Variants in UGT1A7 observed in about 807,000 individuals in gnomAD.
UGT1A7 encodes UDP-glucuronosyltransferase 1A7.
Under a neutral mutation model 45.6 loss-of-function variants are expected in UGT1A7, and 33 were observed. The observed-to-expected ratio is 0.72, with a 90% CI of 0.55 to 0.97. UGT1A7 has a LOEUF of 0.97. Among genes scored for constraint, UGT1A7 ranks in the 50% least tolerant of loss-of-function variants. The pLI, the probability that UGT1A7 is intolerant of heterozygous loss-of-function variation, is 0.00. For synonymous variants in UGT1A7, 274 were observed against 250.6 expected, an observed-to-expected ratio of 1.09 and a Z score of -0.88; for missense variants, 684 against 666.2, an observed-to-expected ratio of 1.03 and a Z score of -0.29.
chr2:233,715,509 C>G (rs991063274), intron 1 of UGT1A7, among the ~76,000 whole-genome samples: 3 of 152,138 alleles, frequency 2.0e-5, no homozygotes, highest in African/African-American at 7.2e-5. Context: ...GGGTAGCTCA[C>G]ACCTGTAATT....
chr2:233,729,151 C>G (rs780105483), intron 1 of UGT1A7: 3 of 1,613,562 alleles, frequency 1.9e-6, no homozygotes, highest in South Asian at 2.2e-5. Context: ...CCAGGTTCCC[C>G]TGCCGTGGCT....
intron 1 of UGT1A7, among the ~76,000 whole-genome samples, chr2:233,731,766 G>A (rs2078201810): frequency 2.0e-5 from 3 of 152,172 alleles, no homozygotes; most frequent in African/African-American, 7.2e-5. Flanking sequence ...TGTCCTTAGA[G>A]TAGTATCATT....
intron 1 of UGT1A7, among the ~76,000 whole-genome samples, chr2:233,757,066 C>A (rs1244177013): frequency 2.6e-5 from 4 of 151,164 alleles, no homozygotes; most frequent in Non-Finnish European, 4.4e-5. Context: ...AGCAAGGGAT[C>A]CAGAATGGCT....
chr2:233,745,639 G>T (rs182919627), intron 1 of UGT1A7, among the ~76,000 whole-genome samples: 1 of 151,500 alleles, frequency 6.6e-6, no homozygotes, highest in South Asian at 2.1e-4. Context: ...AAAGCTGGCC[G>T]AGGGTAGAGT....
chr2:233,702,946 A>C (rs1293262171), intron 1 of UGT1A7, among the ~76,000 whole-genome samples: 1 of 152,140 alleles, frequency 6.6e-6, no homozygotes, highest in African/African-American at 2.4e-5. Context: ...TGTGTTTGCT[A>C]TCTGAATATT....
At chr2:233,712,844 G>A (rs2076257944) in intron 1 of UGT1A7, 2 of 1,520,210 alleles carry the variant, frequency 1.3e-6, no homozygotes, top group Non-Finnish European at 1.8e-6. Flanking sequence ...TAGATTAACG[G>A]GTAATAAGTA....
At chr2:233,734,343 T>G (rs1193439739) in intron 1 of UGT1A7, among the ~76,000 whole-genome samples, 2 of 152,200 alleles carry the variant, frequency 1.3e-5, no homozygotes, top group Admixed American at 6.5e-5. Flanking sequence ...TGATGGTAGT[T>G]TGTATTTCTG....
intron 1 of UGT1A7, among the ~76,000 whole-genome samples, chr2:233,748,325 G>C (rs574436973): frequency 6.6e-6 from 1 of 151,854 alleles, no homozygotes; most frequent in East Asian, 1.9e-4. Context: ...GGACTGATGT[G>C]ACTCATGGAG....
rs536568822 is a variant in UGT1A7 at position 233,693,974 on chromosome 2, C to T, written c.855+11182C>T. ...TCCCTTGGAGGATTTCCTGGAGAAA[C>T]GGTGGGGGGAAGTGATACCCGGCTC... is the stretch of plus-strand genomic sequence containing the variant. On this transcript the variant is annotated intron_variant, in intron 1 of 4. Transcript: ENST00000373426. 146 of 1,566,540 alleles carry T rather than the reference C, an allele frequency of 9.3e-5. No homozygotes were observed. In the East Asian group the frequency reaches 2.5e-3, roughly 26 times the overall value.
At chr2:233,685,105 A>G (rs1206103329) in intron 1 of UGT1A7, among the ~76,000 whole-genome samples, 1 of 152,196 alleles carries the variant, frequency 6.6e-6, no homozygotes, top group East Asian at 1.9e-4. Flanking sequence ...ACAAAATCTT[A>G]TTGAGTCTAT....
intron 1 of UGT1A7, among the ~76,000 whole-genome samples, chr2:233,716,770 G>C (rs1477452949): frequency 6.6e-6 from 1 of 152,158 alleles, no homozygotes; most frequent in African/African-American, 2.4e-5. Context: ...GATCACTCAG[G>C]TCAGGCTTTC....
intron 1 of UGT1A7, among the ~76,000 whole-genome samples, chr2:233,715,856 G>A (rs1421032184): frequency 2.6e-5 from 4 of 152,126 alleles, no homozygotes; most frequent in Non-Finnish European, 5.9e-5. Context: ...TGAAAAGCTG[G>A]GTGCAGTAGC....
chr2:233,761,370 T>C (rs1346260530), intron 1 of UGT1A7, among the ~76,000 whole-genome samples: 1 of 152,186 alleles, frequency 6.6e-6, no homozygotes, highest in Non-Finnish European at 1.5e-5. Flanking sequence ...TCCTTGGACA[T>C]TTTACTCTGT....
In UGT1A7 at chr2:233,695,130, C is replaced by CTTTCTTTTTTTTTTTTT. The variant is rs1364557158; in HGVS notation, c.855+12341_855+12342insCTTTTTTTTTTTTTTTT. On this transcript the variant is annotated intron_variant, in intron 1 of 4. Transcript: ENST00000373426. ...GCCCATTAACCAACCCTTTTCTTTT[C>CTTTCTTTTTTTTTTTTT]TTTTTTTTTTTTTTGAGACAGAGTC... 2.9e-5 allele frequency among the ~76,000 whole-genome samples: 4 copies of CTTTCTTTTTTTTTTTTT among 138,838 alleles called. 1 individual carries two copies. 91.1% of individuals were successfully genotyped at this position (138,838 alleles called of 152,430 possible).
At chr2:233,768,519 GC>G (rs1699633874) in intron 4 of UGT1A7, 80 bp downstream of exon 4, 1 of 1,531,284 alleles carries the variant, frequency 6.5e-7, no homozygotes, top group East Asian at 2.5e-5. Flanking sequence ...CATTTACGTA[GC>G]ATTTAATAGC....
chr2:233,682,442 G>A lies in UGT1A7; in HGVS notation c.505G>A (p.Ala169Thr), dbSNP rs1559339683. The change falls in exon 1 of 5, where the codon GCC (alanine) becomes ACC (threonine). Residue 169 changes from alanine (A) to threonine (T), a missense_variant. By Grantham distance (58) the Ala-to-Thr change is moderately conservative. Coordinates refer to ENST00000373426, the MANE Select transcript of UGT1A7 (RefSeq NM_019077.3). ...KYFSLPSVVFARGIFCHYLEE... is the reference protein window; with the variant it reads ...KYFSLPSVVFTRGIFCHYLEE... ...TTTCTCCCTCCCCTCTGTGGTCTTC[G>A]CCAGGGGAATATTTTGCCACTATCT... The A allele has an allele frequency of 5.0e-6, 8 of 1,613,664 alleles. No homozygotes were observed. Among genetic ancestry groups the A allele is most frequent in the Middle Eastern group, 3.3e-4 (2 of 6,056 alleles).
intron 1 of UGT1A7, among the ~76,000 whole-genome samples, chr2:233,752,079 A>T (rs1159289644): frequency 6.6e-6 from 1 of 152,210 alleles, no homozygotes; most frequent in Non-Finnish European, 1.5e-5. Flanking sequence ...AAGTCTCTCT[A>T]CCTGTTTGGA....
intron 1 of UGT1A7, among the ~76,000 whole-genome samples, chr2:233,759,704 G>A (rs891688930): frequency 3.4e-4 from 52 of 151,494 alleles, no homozygotes; most frequent in African/African-American, 1.2e-3. Flanking sequence ...CTCATGGCGC[G>A]TGCTCGTGTG....
intron 1 of UGT1A7, chr2:233,747,344 G>A (rs1693636128): frequency 6.2e-7 from 1 of 1,603,174 alleles, no homozygotes; most frequent in African/African-American, 1.3e-5. Context: ...TGGCTCGCAT[G>A]CGGGAGGCCG....
Sources: allele counts gnomAD v4.1 joint callset (sites outside exome capture counted in the v4.1 genomes callset), GRCh38; gene constraint gnomAD v4.1.1; transcripts MANE v1.5; gene names NCBI Gene and HGNC (gene_info 2026-07-23, HGNC 2026-07-21).